NEDD4: variants seen among roughly 807,000 people sequenced by gnomAD.
NEDD4 encodes the protein E3 ubiquitin-protein ligase NEDD4.
In NEDD4, 99 loss-of-function variants were observed where a neutral mutation model predicts 144.9. The observed-to-expected ratio is 0.68, with a 90% CI of 0.58 to 0.81. The LOEUF is 0.81. Ranked by LOEUF, NEDD4 falls within the 30% of genes least tolerant of loss-of-function variation. NEDD4 has a pLI of 0.00. For missense variants in NEDD4, 985 were observed against 1,065.9 expected (o/e 0.92, Z 1.06); for synonymous variants, 318 against 350.6 (o/e 0.91, Z 1.04).
chr15:55,924,847 C>T (rs1250169184), intron 4 of NEDD4, 148 bp from the exon 5 acceptor site: 5 of 681,692 alleles, frequency 7.3e-6, no homozygotes, highest in African/African-American at 3.6e-5. Flanking sequence ...GTGGGTGGAT[C>T]GCCTGATGTC....
chr15:55,888,215 T>C (rs1303737350), intron 5 of NEDD4, among the ~76,000 whole-genome samples: 2 of 152,162 alleles, frequency 1.3e-5, no homozygotes, highest in African/African-American at 4.8e-5. Context: ...GTAGATGATA[T>C]GATCTTATAT....
Position 55,873,966 on chromosome 15 carries a change from G to A in NEDD4, c.334C>T (p.Pro112Ser), listed in dbSNP as rs2034899920. The A allele has an allele frequency of 6.5e-7, 1 of 1,544,640 alleles. No homozygotes were observed. The highest frequency in any genetic ancestry group is 1.9e-5 in the Admixed American group (1 of 52,438). Residue 112 changes from proline to serine, a missense_variant, in exon 6 of 29, where the codon CCA becomes TCA. Transcript: ENST00000435532. The stretch of plus-strand genomic sequence containing the variant: ...TGGACACCTATACCAACCGGTAATG[G>A]ATAAAGTGGAACATCCACTTGACCT... ...FLGQVDVPLY[P>S]LPTENPRLER...
chr15:55,953,958 G>A (rs993264338), intron 2 of NEDD4, among the ~76,000 whole-genome samples: 1 of 152,144 alleles, frequency 6.6e-6, no homozygotes, highest in African/African-American at 2.4e-5. Context: ...TTGACCTCGT[G>A]ACCCTCCTGC....
chr15:55,929,566 A>G (rs191783979), intron 4 of NEDD4, among the ~76,000 whole-genome samples: 778 of 152,252 alleles, frequency 5.1e-3, no homozygotes, highest in Non-Finnish European at 8.1e-3. Flanking sequence ...ACTTCCACTT[A>G]TAAGTGAGAA....
chr15:55,908,684 A>T (rs2036178044), intron 5 of NEDD4, among the ~76,000 whole-genome samples: 1 of 152,222 alleles, frequency 6.6e-6, no homozygotes, highest in Non-Finnish European at 1.5e-5. Context: ...ATGAGAATTT[A>T]AAAATCACTG....
At chr15:55,880,692 AG>A (rs1193270645) in intron 5 of NEDD4, among the ~76,000 whole-genome samples, 1 of 152,152 alleles carries the variant, frequency 6.6e-6, no homozygotes, top group Non-Finnish European at 1.5e-5. Flanking sequence ...AGACAGGGAA[AG>A]GAAGTCTCAG....
chr15:55,976,327 A>C (rs75787525), intron 1 of NEDD4, among the ~76,000 whole-genome samples: 2,970 of 152,316 alleles, frequency 0.019, 111 homozygotes, highest in African/African-American at 0.068. Context: ...AAACTATCCA[A>C]CAAGAGACTA....
At chr15:55,916,860 C>A in intron 5 of NEDD4, 2 of 1,557,138 alleles carry the variant, frequency 1.3e-6, no homozygotes, top group Admixed American at 1.9e-5. Flanking sequence ...ATGTTAAGGG[C>A]TGAAAGTCAT....
chr15:55,957,004 A>T (rs1288144663), intron 2 of NEDD4, among the ~76,000 whole-genome samples: 1 of 152,204 alleles, frequency 6.6e-6, no homozygotes, highest in Non-Finnish European at 1.5e-5. Flanking sequence ...GTGTCCATTT[A>T]TTACAAATCT....
chr15:55,879,951 G>A (rs1022072428), intron 5 of NEDD4, among the ~76,000 whole-genome samples: 2 of 152,152 alleles, frequency 1.3e-5, no homozygotes, highest in Admixed American at 1.3e-4. Flanking sequence ...TATCAAAAAA[G>A]CATTTTAAGT....
At chr15:55,982,049 T>C (rs1273089248) in intron 1 of NEDD4, among the ~76,000 whole-genome samples, 1 of 152,182 alleles carries the variant, frequency 6.6e-6, no homozygotes, top group African/African-American at 2.4e-5. Flanking sequence ...AGGATACAGA[T>C]GGAGCTGATA....
chr15:55,976,600 G>GGGT (rs1436273361), intron 1 of NEDD4, among the ~76,000 whole-genome samples: 1 of 151,560 alleles, frequency 6.6e-6, no homozygotes, highest in Non-Finnish European at 1.5e-5. Context: ...GTGGCAAAAG[G>GGGT]GGTACCCTTA....
chr15:55,940,339 A>G (rs1308428862), intron 4 of NEDD4, among the ~76,000 whole-genome samples: 3 of 152,188 alleles, frequency 2.0e-5, no homozygotes, highest in East Asian at 1.9e-4. Flanking sequence ...AGCTGTATGC[A>G]TATGTTTAAA....
chr15:55,966,434 G>A (rs1026190620), intron 2 of NEDD4, 39 bp downstream of exon 2: 67 of 1,267,014 alleles, frequency 5.3e-5, no homozygotes, highest in Non-Finnish European at 6.8e-5. Context: ...ATTAACAAAT[G>A]CAAAGTTTTA....
intron 17 of NEDD4, 68 bp downstream of exon 17, chr15:55,848,304 G>A: frequency 4.1e-6 from 6 of 1,469,782 alleles, no homozygotes; most frequent in Non-Finnish European, 4.8e-6. Context: ...TTATGCCCGT[G>A]ACTATCTGCT....
chr15:55,970,128 A>G (rs2037582803), intron 1 of NEDD4, among the ~76,000 whole-genome samples: 1 of 152,142 alleles, frequency 6.6e-6, no homozygotes, highest in Non-Finnish European at 1.5e-5. Flanking sequence ...GCCAGACTAT[A>G]GTAGCCACAG....
intron 21 of NEDD4, among the ~76,000 whole-genome samples, chr15:55,839,999 A>AAT (rs1176994871): frequency 0.022 from 567 of 25,954 alleles, 2 homozygotes; most frequent in Middle Eastern, 0.1. Context: ...AAAAAAAAAA[A>AAT]ATATATATAT....
chr15:55,986,715 G>A (rs543315583), intron 1 of NEDD4, among the ~76,000 whole-genome samples: 8 of 149,094 alleles, frequency 5.4e-5, no homozygotes, highest in Non-Finnish European at 8.9e-5. Context: ...TCAGCCTCCC[G>A]AGTAGCTGGG....
intron 4 of NEDD4, among the ~76,000 whole-genome samples, chr15:55,950,849 G>T (rs2037225401): frequency 6.6e-6 from 1 of 152,128 alleles, no homozygotes; most frequent in South Asian, 2.1e-4. Context: ...GCTCTGGTAG[G>T]GTTTCGATTC....
Sources: gnomAD v4.1 joint callset for allele counts (sites outside exome capture counted in the v4.1 genomes callset) on GRCh38, gnomAD v4.1.1 for gene constraint, MANE v1.5 for transcripts, NCBI Gene and HGNC (gene_info 2026-07-23, HGNC 2026-07-21) for gene names.